Variants in NVL observed in about 807,000 individuals in gnomAD.
The protein encoded by NVL is nuclear VCP like, also known as nuclear valosin-containing protein-like.
In NVL, 84 loss-of-function variants were observed where a neutral mutation model predicts 110.2. That is an observed-to-expected ratio of 0.76 (90% CI 0.64 to 0.91). The LOEUF is 0.91. NVL is among the 40% of genes least tolerant of loss of function. The pLI, the probability that NVL is intolerant of heterozygous loss-of-function variation, is 0.00. For synonymous variants in NVL, 354 were observed against 361.1 expected (o/e 0.98, Z 0.22); for missense variants, 882 against 1,035.9 (o/e 0.85, Z 2.04).
At chr1:224,229,095 G>A (rs978603487) in intron 22 of NVL, among the ~76,000 whole-genome samples, 3 of 151,648 alleles carry the variant, frequency 2.0e-5, no homozygotes, top group African/African-American at 7.3e-5. Context: ...GGGAGTTGGA[G>A]ACCAGGCTGA....
chr1:224,237,480 GA>G (rs1365371626), intron 19 of NVL, among the ~76,000 whole-genome samples: 2 of 151,738 alleles, frequency 1.3e-5, no homozygotes, highest in Admixed American at 6.6e-5. Context: ...GGATGTAGAG[GA>G]AAAAAAACCA....
intron 8 of NVL, 67 bp from the exon 9 acceptor site, chr1:224,303,924 T>C: frequency 1.1e-5 from 17 of 1,506,090 alleles, no homozygotes; most frequent in Non-Finnish European, 1.4e-5. Flanking sequence ...AAATGTCCTA[T>C]TTTTCGGAGC....
intron 18 of NVL, chr1:224,257,250 T>C: frequency 2.4e-6 from 1 of 413,692 alleles, no homozygotes; most frequent in Non-Finnish European, 4.8e-6. Context: ...TCCTTTCATC[T>C]GTTGATAAGC....
chr1:224,242,065 G>T (rs1661265521), intron 19 of NVL, among the ~76,000 whole-genome samples: 1 of 151,782 alleles, frequency 6.6e-6, no homozygotes, highest in African/African-American at 2.4e-5. Context: ...CACAAATATT[G>T]TATGATTCTA....
intron 18 of NVL, among the ~76,000 whole-genome samples, chr1:224,259,876 C>G (rs1371584020): frequency 2.0e-5 from 3 of 147,332 alleles, no homozygotes; most frequent in African/African-American, 7.7e-5. Flanking sequence ...GCCACGTTAA[C>G]CCAGGTTGGT....
chr1:224,281,220 C>T (rs1390835078), intron 15 of NVL, 35 bp from the exon 16 acceptor site: 2 of 1,502,854 alleles, frequency 1.3e-6, no homozygotes, highest in Non-Finnish European at 1.9e-6. Flanking sequence ...CAAATAAGAC[C>T]AATACACAGT....
chr1:224,291,280 A>G (rs1372655798), intron 12 of NVL, among the ~76,000 whole-genome samples: 1 of 152,064 alleles, frequency 6.6e-6, no homozygotes, highest in African/African-American at 2.4e-5. Context: ...ATCTCGGCTC[A>G]CCGCAACCTC....
Position 224,227,672 on chromosome 1 carries a change from T to C in NVL, c.2527-2A>G. On this transcript the variant is annotated splice_acceptor_variant, in intron 22 of 22. Coordinates refer to ENST00000281701, the MANE Select transcript of NVL (RefSeq NM_002533.4). LOFTEE classifies it high-confidence loss of function. ...CAAACGTTCATACATGATTTGATCC[T>C]GAAAGGAGGGAGAACACAGAATACA... is the stretch of plus-strand genomic sequence containing the variant. The C allele has an allele frequency of 1.2e-6, 2 of 1,610,168 alleles. No individual in the cohort carries two copies. Among genetic ancestry groups the C allele is most frequent in the Non-Finnish European group, 1.7e-6 (2 of 1,177,440 alleles).
chr1:224,266,139 G>A (rs988992680), intron 18 of NVL, among the ~76,000 whole-genome samples: 1 of 152,092 alleles, frequency 6.6e-6, no homozygotes, highest in African/African-American at 2.4e-5. Flanking sequence ...CTTTAAAAAG[G>A]ATGATCATAT....
intron 17 of NVL, 105 bp downstream of exon 17, chr1:224,275,234 C>T: frequency 7.6e-7 from 1 of 1,315,706 alleles, no homozygotes; most frequent in Non-Finnish European, 1.1e-6. Flanking sequence ...CATTAAGAGT[C>T]TCAATGCTCC....
intron 18 of NVL, among the ~76,000 whole-genome samples, chr1:224,262,366 T>C (rs1664079241): frequency 1.3e-5 from 2 of 152,028 alleles, no homozygotes; most frequent in African/African-American, 4.8e-5. Flanking sequence ...AAAAGAACTA[T>C]GGGGGATGGT....
At chr1:224,247,112 G>C (rs1195954593) in intron 19 of NVL, among the ~76,000 whole-genome samples, 2 of 151,566 alleles carry the variant, frequency 1.3e-5, no homozygotes, top group Admixed American at 1.3e-4. Flanking sequence ...CTATGATGCA[G>C]TCATCATCAA....
chr1:224,246,726 C>G (rs1661860460), intron 19 of NVL, among the ~76,000 whole-genome samples: 1 of 152,130 alleles, frequency 6.6e-6, no homozygotes, highest in African/African-American at 2.4e-5. Context: ...AATCTCAAGA[C>G]CATAGTTCCT....
In NVL at chr1:224,227,684, G is replaced by T; in HGVS notation, c.2527-14C>A. 1 of 1,608,706 alleles carries T rather than the reference G, an allele frequency of 6.2e-7. No individual in the cohort carries two copies. The highest frequency in any genetic ancestry group is 1.1e-5 in the South Asian group (1 of 90,550). On this transcript the variant is annotated splice_polypyrimidine_tract_variant and intron_variant, in intron 22 of 22. Coordinates refer to ENST00000281701, the MANE Select transcript of NVL (RefSeq NM_002533.4). Reference sequence around the variant, plus strand: ...CATGATTTGATCCTGAAAGGAGGGAGAACACAGAATACAGAGACCGTCACT... The same window carrying T: ...CATGATTTGATCCTGAAAGGAGGGATAACACAGAATACAGAGACCGTCACT...
At chr1:224,255,939 G>A (rs1571851391) in intron 18 of NVL, among the ~76,000 whole-genome samples, 1 of 152,088 alleles carries the variant, frequency 6.6e-6, no homozygotes, top group Admixed American at 6.5e-5. Flanking sequence ...TTTTGCATAT[G>A]GATATTCAGT....
intron 12 of NVL, among the ~76,000 whole-genome samples, chr1:224,291,172 A>C (rs1667341298): frequency 6.6e-6 from 1 of 152,218 alleles, no homozygotes; most frequent in South Asian, 2.1e-4. Flanking sequence ...CACATAAAAC[A>C]ATGGCTGATC....
chr1:224,299,911 A>T (rs1046557512), intron 10 of NVL, among the ~76,000 whole-genome samples: 1 of 152,124 alleles, frequency 6.6e-6, no homozygotes, highest in Non-Finnish European at 1.5e-5. Flanking sequence ...TGTATTGGAT[A>T]TTCATCAGCT....
At chr1:224,274,035 A>AACACACACACACACAC (rs1224878158) in intron 17 of NVL, among the ~76,000 whole-genome samples, 32,708 of 145,318 alleles carry the variant, frequency 0.23, 3,819 homozygotes, top group South Asian at 0.26. Context: ...ATGACCTAAC[A>AACACACACACACACAC]ACACACACAC....
chr1:224,287,236 G>A (rs1289868078), intron 14 of NVL, among the ~76,000 whole-genome samples: 4 of 152,140 alleles, frequency 2.6e-5, no homozygotes, highest in African/African-American at 9.7e-5. Flanking sequence ...TGGAGACAGA[G>A]AGCAAATTGA....
Sources: gnomAD v4.1 joint callset for allele counts (sites outside exome capture counted in the v4.1 genomes callset) on GRCh38, gnomAD v4.1.1 for gene constraint, MANE v1.5 for transcripts, NCBI Gene and HGNC (gene_info 2026-07-23, HGNC 2026-07-21) for gene names.